Variants in MAMDC2 observed in about 807,000 individuals in gnomAD.
MAMDC2 encodes MAM domain containing 2, also known as MAM domain-containing protein 2.
A neutral mutation model predicts 89.8 loss-of-function variants in MAMDC2; 57 were observed. The observed-to-expected ratio is 0.63, with a 90% CI of 0.51 to 0.79. The LOEUF is 0.79. Ranked by LOEUF, MAMDC2 falls within the 30% of genes least tolerant of loss-of-function variation. The pLI is 0.00. For synonymous variants in MAMDC2, 313 were observed against 293.4 expected, an observed-to-expected ratio of 1.07 and a Z score of -0.68; for missense variants, 800 against 820.6, an observed-to-expected ratio of 0.97 and a Z score of 0.31.
At chr9:70,114,021 TG>T (rs1306490463) in intron 5 of MAMDC2, among the ~76,000 whole-genome samples, 1 of 152,100 alleles carries the variant, frequency 6.6e-6, no homozygotes, top group African/African-American at 2.4e-5. Flanking sequence ...TGACCTTTTA[TG>T]GTTCTTACCA....
intron 11 of MAMDC2, among the ~76,000 whole-genome samples, chr9:70,206,370 T>C (rs1401642668): frequency 2.6e-5 from 4 of 152,148 alleles, no homozygotes; most frequent in Non-Finnish European, 5.9e-5. Context: ...ACAGGAACAG[T>C]CTATACACGG....
chr9:70,133,369 G>T (rs2030879560), intron 7 of MAMDC2, among the ~76,000 whole-genome samples: 1 of 152,236 alleles, frequency 6.6e-6, no homozygotes, highest in Admixed American at 6.5e-5. Flanking sequence ...CAGGTGGTCT[G>T]TCTGGTGAAA....
intron 2 of MAMDC2, among the ~76,000 whole-genome samples, chr9:70,071,078 CACAG>C (rs1199270762): frequency 3.3e-5 from 5 of 152,100 alleles, no homozygotes; most frequent in Non-Finnish European, 7.4e-5. Flanking sequence ...GGAATTCCTC[CACAG>C]ACAGTTTTCA....
intron 2 of MAMDC2, among the ~76,000 whole-genome samples, chr9:70,084,343 AC>A (rs1424270208): frequency 6.6e-6 from 1 of 152,096 alleles, no homozygotes; most frequent in Non-Finnish European, 1.5e-5. Flanking sequence ...GAAAAGAATA[AC>A]TAATGCCATG....
chr9:70,200,564 A>T (rs1177403590), intron 11 of MAMDC2, among the ~76,000 whole-genome samples: 1 of 151,124 alleles, frequency 6.6e-6, no homozygotes, highest in Non-Finnish European at 1.5e-5. Flanking sequence ...CGAACTTTAA[A>T]GTAGTTTTTT....
chr9:70,126,023 A>G, intron 5 of MAMDC2, 136 bp from the exon 6 acceptor site: 1 of 932,210 alleles, frequency 1.1e-6, no homozygotes, highest in Non-Finnish European at 1.6e-6. Context: ...AACCTCTGTC[A>G]GCTGTAACTC....
At chr9:70,155,906 A>C (rs1256504777) in intron 9 of MAMDC2, among the ~76,000 whole-genome samples, 3 of 152,134 alleles carry the variant, frequency 2.0e-5, no homozygotes, top group Non-Finnish European at 4.4e-5. Context: ...TAAGTCATTG[A>C]CTTGGGTTTT....
intron 2 of MAMDC2, among the ~76,000 whole-genome samples, chr9:70,059,753 G>A (rs1171141513): frequency 6.6e-6 from 1 of 152,204 alleles, no homozygotes; most frequent in African/African-American, 2.4e-5. Context: ...TGATGGCTAT[G>A]TTAGGATCTA....
chr9:70,196,286 G>A (rs755805497), intron 11 of MAMDC2, among the ~76,000 whole-genome samples: 13 of 152,046 alleles, frequency 8.6e-5, no homozygotes, highest in Non-Finnish European at 1.8e-4. Flanking sequence ...TTCTATCTGT[G>A]ACACTGTGAA....
intron 6 of MAMDC2, among the ~76,000 whole-genome samples, chr9:70,129,811 C>A (rs371627187): frequency 6.6e-6 from 1 of 152,098 alleles, no homozygotes; most frequent in African/African-American, 2.4e-5. Context: ...CAAAACAGGT[C>A]GCTTAAGAAA....
chr9:70,061,199 T>G (rs930888597), intron 2 of MAMDC2, among the ~76,000 whole-genome samples: 2 of 152,196 alleles, frequency 1.3e-5, no homozygotes, highest in Admixed American at 6.5e-5. Flanking sequence ...CATGGGCCCC[T>G]ACAATTTTTG....
chr9:70,104,216 T>G (rs907348971), intron 2 of MAMDC2, among the ~76,000 whole-genome samples: 12 of 152,296 alleles, frequency 7.9e-5, no homozygotes, highest in Admixed American at 2.0e-4. Context: ...ATTAGTCACT[T>G]GAGAAATGCA....
chr9:70,044,563 A>C, intron 1 of MAMDC2, 21 bp from the exon 2 acceptor site: 1 of 1,543,546 alleles, frequency 6.5e-7, no homozygotes, highest in East Asian at 2.4e-5. Flanking sequence ...GCTCGAACTG[A>C]AACTCGCTTT....
chr9:70,218,461 G>A lies in MAMDC2; in HGVS notation c.1776G>A (p.Gly592=). 6.2e-7 allele frequency: 1 copy of A among 1,614,168 alleles called. No individual in the cohort carries two copies. The highest frequency in any genetic ancestry group is 8.5e-7 in the Non-Finnish European group (1 of 1,180,028). ...CCTTTTTCTACCACATGTATGGAGG[G>A]GGCACTGGCCTGCTGAGTGTTTATC... is the stretch of plus-strand genomic sequence containing the variant. ...CLTFFYHMYG[G]GTGLLSVYLK... Residue 592 remains glycine (G), a synonymous_variant, in exon 12 of 14, where the codon GGG becomes GGA. Transcript: ENST00000377182.
chr9:70,171,838 A>C (rs2032358062), intron 11 of MAMDC2, among the ~76,000 whole-genome samples: 1 of 152,204 alleles, frequency 6.6e-6, no homozygotes, highest in African/African-American at 2.4e-5. Flanking sequence ...GAGCTAAAAA[A>C]AATTGCAAAA....
chr9:70,183,376 G>T (rs2032684168), intron 11 of MAMDC2, among the ~76,000 whole-genome samples: 3 of 152,208 alleles, frequency 2.0e-5, no homozygotes, highest in Admixed American at 6.5e-5. Flanking sequence ...GCTTGGTCCA[G>T]AGCTGAGTTC....
chr9:70,060,022 C>T (rs1431616874), intron 2 of MAMDC2, among the ~76,000 whole-genome samples: 4 of 152,178 alleles, frequency 2.6e-5, no homozygotes, highest in East Asian at 1.9e-4. Context: ...GAGCTAAGAT[C>T]GACCTTAAGT....
chr9:70,102,118 G>A lies in MAMDC2; in HGVS notation c.149-6093G>A, dbSNP rs548924410. On this transcript the variant is annotated intron_variant, in intron 2 of 13. Transcript: ENST00000377182. ...TGTGTGTTGTACTAGTGGTTGGGTT[G>A]TTTTTAGTTGGTTTGTTTTTTTCTA... Among the ~76,000 whole-genome samples the A allele has an allele frequency of 3.7e-4, 56 of 152,160 alleles. No homozygotes were observed. In the South Asian group the frequency reaches 0.011, roughly 30 times the overall value.
At chr9:70,078,226 T>C (rs1289616534) in intron 2 of MAMDC2, among the ~76,000 whole-genome samples, 3 of 152,226 alleles carry the variant, frequency 2.0e-5, no homozygotes, top group Non-Finnish European at 4.4e-5. Context: ...TCTGTGTATC[T>C]TACTAACCTT....
Sources: gnomAD v4.1 joint callset for allele counts (sites outside exome capture counted in the v4.1 genomes callset) on GRCh38, gnomAD v4.1.1 for gene constraint, MANE v1.5 for transcripts, NCBI Gene and HGNC (gene_info 2026-07-23, HGNC 2026-07-21) for gene names.